The following COL23A1 variants were observed in gnomAD, a reference collection of about 807,000 sequenced individuals.
The protein encoded by COL23A1 is collagen type XXIII alpha 1 chain.
COL23A1 carries 97 observed loss-of-function variants against 99.3 expected under a neutral mutation model. The ratio of observed to expected loss-of-function variants is 0.98; its 90% CI spans 0.83 to 1.16. The LOEUF (loss-of-function observed/expected upper bound fraction) is 1.16. Among genes scored for constraint, COL23A1 ranks in the 50% most tolerant of loss-of-function variants. COL23A1 has a pLI of 0.00. For synonymous variants in COL23A1, 320 were observed against 308.2 expected, an observed-to-expected ratio of 1.04 and a Z score of -0.40; for missense variants, 762 against 757.4, an observed-to-expected ratio of 1.01 and a Z score of -0.07.
chr5:178,547,633 C>CCCA (rs1761705782), intron 2 of COL23A1, among the ~76,000 whole-genome samples: 1 of 4,138 alleles, frequency 2.4e-4, no homozygotes, highest in Non-Finnish European at 5.5e-4. Flanking sequence ...CCCACCCACA[C>CCCA]CCCCCCACAC....
intron 3 of COL23A1, among the ~76,000 whole-genome samples, chr5:178,292,838 C>G (rs992378925): frequency 2.6e-5 from 4 of 152,164 alleles, no homozygotes; most frequent in African/African-American, 9.7e-5. Flanking sequence ...AGAAGCTTGG[C>G]ACACGTGGCA....
chr5:178,426,116 G>A (rs1207308561), intron 2 of COL23A1, among the ~76,000 whole-genome samples: 1 of 152,218 alleles, frequency 6.6e-6, no homozygotes, highest in African/African-American at 2.4e-5. Flanking sequence ...AGGAAAGGCA[G>A]CAGAGATGTT....
intron 2 of COL23A1, among the ~76,000 whole-genome samples, chr5:178,513,293 C>T (rs1287926417): frequency 2.0e-5 from 3 of 152,170 alleles, no homozygotes; most frequent in Non-Finnish European, 4.4e-5. Context: ...ACTTACATCC[C>T]CCCTGCAACC....
intron 8 of COL23A1, among the ~76,000 whole-genome samples, chr5:178,266,769 C>T (rs531101818): frequency 5.9e-5 from 9 of 152,226 alleles, no homozygotes; most frequent in Admixed American, 2.0e-4. Flanking sequence ...GCGGAGCAGG[C>T]GCCCGGCCAG....
intron 21 of COL23A1, 55 bp from the exon 22 acceptor site, chr5:178,247,607 C>T: frequency 1.2e-6 from 2 of 1,609,304 alleles, no homozygotes; most frequent in Non-Finnish European, 1.7e-6. Context: ...TTGCAGTGGC[C>T]ACTCACTGGC....
rs1479896885 is a variant in COL23A1 at position 178,384,036 on chromosome 5, C to A, written c.362-77117G>T. ...CACGGGGGCCCAGGACTCCACCAGGCGGCCTGTGCAAGCCTGGGCTGCATC... is the reference window on the plus strand; with the variant it reads ...CACGGGGGCCCAGGACTCCACCAGGAGGCCTGTGCAAGCCTGGGCTGCATC... On this transcript the variant is annotated intron_variant, in intron 2 of 28. Coordinates refer to ENST00000390654, the MANE Select transcript of COL23A1 (RefSeq NM_173465.4). The surrounding 1 kb of genome is among the most constrained non-coding windows in gnomAD (Gnocchi z 5.5). Among the ~76,000 whole-genome samples, 1 of 152,208 alleles carries A rather than the reference C, an allele frequency of 6.6e-6. No homozygotes were observed. Among genetic ancestry groups the A allele is most frequent in the African/African-American group, 2.4e-5 (1 of 41,452 alleles).
At chr5:178,278,960 T>A (rs1186162337) in intron 5 of COL23A1, among the ~76,000 whole-genome samples, 1 of 152,000 alleles carries the variant, frequency 6.6e-6, no homozygotes, top group African/African-American at 2.4e-5. Context: ...TGTGGGCCCT[T>A]CCCTCCCTAT....
intron 2 of COL23A1, among the ~76,000 whole-genome samples, chr5:178,412,807 C>A (rs1376832919): frequency 6.6e-6 from 1 of 152,042 alleles, no homozygotes; most frequent in African/African-American, 2.4e-5. Flanking sequence ...TCTCTGGATT[C>A]TGATTTTGAT....
chr5:178,495,083 G>C (rs1401210897), intron 2 of COL23A1, among the ~76,000 whole-genome samples: 1 of 152,230 alleles, frequency 6.6e-6, no homozygotes, highest in Non-Finnish European at 1.5e-5. Context: ...TGGGCCTGCA[G>C]GTTGAGGTTT....
intron 18 of COL23A1, among the ~76,000 whole-genome samples, chr5:178,249,710 ACACACACT>A (rs1158583541): frequency 4.1e-5 from 4 of 98,010 alleles, no homozygotes; most frequent in East Asian, 3.4e-4. Context: ...ACACACACAC[ACACACACT>A]CTCTCTCTCT....
chr5:178,424,102 G>C (rs1193823829), intron 2 of COL23A1, among the ~76,000 whole-genome samples: 2 of 152,142 alleles, frequency 1.3e-5, no homozygotes, highest in Admixed American at 1.3e-4. Context: ...GGCCTTAGGG[G>C]AAGTAACGCG....
chr5:178,292,468 CCTT>C (rs1361510676), intron 3 of COL23A1, among the ~76,000 whole-genome samples: 1 of 152,184 alleles, frequency 6.6e-6, no homozygotes, highest in Non-Finnish European at 1.5e-5. Context: ...CTATTCCTGC[CCTT>C]CCTCTGCTCT....
At position 178,242,053 on chromosome 5, in the gene COL23A1, G is replaced by T; in HGVS notation, c.1570C>A (p.Pro524Thr). The T allele has an allele frequency of 6.4e-7, 1 of 1,554,438 alleles. No homozygotes were observed. Among genetic ancestry groups the T allele is most frequent in the Non-Finnish European group, 8.7e-7 (1 of 1,148,386 alleles). Residue 524 changes from proline to threonine, a missense_variant, in exon 27 of 29, where the codon CCG becomes ACG. Coordinates refer to ENST00000390654, the MANE Select transcript of COL23A1 (RefSeq NM_173465.4). ...GEPGPPGLDQ[P>T]CPVGPDGLPV... is the part of the protein sequence containing the mutation. The stretch of plus-strand genomic sequence containing the variant: ...CCTCCGACACCTACCACGGGACACG[G>T]CTGGTCCAGGCCTGGTGGTCCCGGC...
At chr5:178,573,829 T>TAA (rs1763221468) in intron 1 of COL23A1, among the ~76,000 whole-genome samples, 1 of 151,326 alleles carries the variant, frequency 6.6e-6, no homozygotes, top group Non-Finnish European at 1.5e-5. Context: ...GAACCACACA[T>TAA]AAAAGAAGAC....
intron 2 of COL23A1, among the ~76,000 whole-genome samples, chr5:178,383,978 C>T (rs73349060): frequency 1.3e-3 from 197 of 152,222 alleles, no homozygotes; most frequent in African/African-American, 4.6e-3. Flanking sequence ...ACCTGTTATC[C>T]ATCCTGTTAG....
intron 2 of COL23A1, among the ~76,000 whole-genome samples, chr5:178,523,163 C>CATATATATATATATATATACACATAT (rs70997608): frequency 4.2e-5 from 4 of 95,512 alleles, no homozygotes; most frequent in Non-Finnish European, 8.1e-5. Context: ...TATATATATA[C>CATATATATATATATATATACACATAT]ATATATATAT....
At chr5:178,253,526 A>G (rs1186904041) in intron 16 of COL23A1, among the ~76,000 whole-genome samples, 1 of 151,908 alleles carries the variant, frequency 6.6e-6, no homozygotes, top group Non-Finnish European at 1.5e-5. Context: ...TCTGTTGCCC[A>G]GCCTGGAGTG....
chr5:178,442,061 C>T (rs1007524603), intron 2 of COL23A1, among the ~76,000 whole-genome samples: 3 of 152,068 alleles, frequency 2.0e-5, no homozygotes, highest in Non-Finnish European at 1.5e-5. Flanking sequence ...CCCTCTGGGA[C>T]GTCCAACTGA....
At chr5:178,454,415 A>G (rs1220883543) in intron 2 of COL23A1, among the ~76,000 whole-genome samples, 1 of 152,194 alleles carries the variant, frequency 6.6e-6, no homozygotes, top group Non-Finnish European at 1.5e-5. Context: ...AGCTAAAAAC[A>G]TGCCTCCAGG....
Sources: allele counts gnomAD v4.1 joint callset (sites outside exome capture counted in the v4.1 genomes callset), GRCh38; gene constraint gnomAD v4.1.1; non-coding constraint Gnocchi (gnomAD v3.1); transcripts MANE v1.5; gene names NCBI Gene and HGNC (gene_info 2026-07-23, HGNC 2026-07-21).